TOP6BL: variants seen among roughly 807,000 people sequenced by gnomAD.
The protein encoded by TOP6BL is type 2 DNA topoisomerase 6 subunit B-like.
chr11:66,840,140 C>T, the TOP6BL span, among the ~76,000 whole-genome samples: 2 of 152,172 alleles, frequency 1.3e-5, no homozygotes, highest in African/African-American at 2.4e-5. Context: ...CATGGGCAGC[C>T]CTGCTGAAGA....
At chr11:66,843,342 C>T in the TOP6BL span, 1 of 1,477,774 alleles carries the variant, frequency 6.8e-7, no homozygotes, top group South Asian at 1.3e-5. Flanking sequence ...TCCGCGTCTG[C>T]TTCCGCGTCG....
At chr11:66,808,482 C>T in the TOP6BL span, among the ~76,000 whole-genome samples, 8 of 151,376 alleles carry the variant, frequency 5.3e-5, no homozygotes, top group Admixed American at 1.3e-4. Flanking sequence ...GAGCCATGAT[C>T]GTGCCATTGC....
chr11:66,796,356 C>T, the TOP6BL span: 14 of 1,606,542 alleles, frequency 8.7e-6, no homozygotes, highest in Non-Finnish European at 1.2e-5. Context: ...CATCATGGTG[C>T]ACCCTAAGGT....
At chr11:66,790,889 G>A in the TOP6BL span, among the ~76,000 whole-genome samples, 7 of 152,280 alleles carry the variant, frequency 4.6e-5, no homozygotes, top group East Asian at 9.6e-4. Context: ...GAGGAAAACT[G>A]TGAGCTTAGT....
chr11:66,758,917 C>G, the TOP6BL span: 1 of 495,990 alleles, frequency 2.0e-6, no homozygotes, highest in Non-Finnish European at 3.4e-6. Context: ...TTTTACCAAA[C>G]TCATTAGTAG....
At chr11:66,828,653 C>T in the TOP6BL span, 12 of 284,898 alleles carry the variant, frequency 4.2e-5, no homozygotes, top group African/African-American at 2.6e-4. Flanking sequence ...CCATCTTGTC[C>T]AGAAGACACT....
At chr11:66,842,188 G>A in the TOP6BL span, among the ~76,000 whole-genome samples, 1 of 152,166 alleles carries the variant, frequency 6.6e-6, no homozygotes, top group African/African-American at 2.4e-5. Flanking sequence ...GGGCAACAGA[G>A]CAAGACCTTG....
At chr11:66,832,648 C>A in the TOP6BL span, among the ~76,000 whole-genome samples, 1 of 152,252 alleles carries the variant, frequency 6.6e-6, no homozygotes, top group Non-Finnish European at 1.5e-5. Context: ...CGATGCACTT[C>A]CCAGGAACGT....
the TOP6BL span, chr11:66,838,251 T>G: frequency 1.3e-6 from 1 of 783,358 alleles, no homozygotes; most frequent in Non-Finnish European, 2.1e-6. Flanking sequence ...AAGAGGGAGT[T>G]CCAGGTGAGG....
the TOP6BL span, among the ~76,000 whole-genome samples, chr11:66,809,508 T>C: frequency 6.6e-6 from 1 of 152,214 alleles, no homozygotes; most frequent in African/African-American, 2.4e-5. Context: ...CTATACGTTC[T>C]TAGCAGGATA....
the TOP6BL span, chr11:66,796,234 C>T: frequency 7.3e-7 from 1 of 1,373,244 alleles, no homozygotes; most frequent in African/African-American, 1.4e-5. Context: ...CATTTGTGCT[C>T]TTGAGATTGT....
chr11:66,790,927 G>A, the TOP6BL span, among the ~76,000 whole-genome samples: 1 of 152,186 alleles, frequency 6.6e-6, no homozygotes, highest in Non-Finnish European at 1.5e-5. Context: ...TGATGGAGAT[G>A]AGAAGTAAAA....
chr11:66,794,592 G>A, the TOP6BL span, among the ~76,000 whole-genome samples: 1 of 152,226 alleles, frequency 6.6e-6, no homozygotes, highest in Admixed American at 6.5e-5. Flanking sequence ...AAGGTTAAAT[G>A]AGATAATATA....
At chr11:66,766,730 G>A in the TOP6BL span, among the ~76,000 whole-genome samples, 1 of 152,150 alleles carries the variant, frequency 6.6e-6, no homozygotes, top group African/African-American at 2.4e-5. Flanking sequence ...CATTAACTAT[G>A]CTGATGAGAC....
the TOP6BL span, among the ~76,000 whole-genome samples, chr11:66,791,204 C>T: frequency 1.3e-5 from 2 of 152,036 alleles, no homozygotes; most frequent in African/African-American, 2.4e-5. Flanking sequence ...TTTGGGCCTG[C>T]GAGGAAAGTC....
chr11:66,747,891 A>G, the TOP6BL span, among the ~76,000 whole-genome samples: 15 of 152,160 alleles, frequency 9.9e-5, no homozygotes, highest in African/African-American at 3.4e-4. Flanking sequence ...AAGTGCTGGG[A>G]TTGCAGGCAT....
At chr11:66,835,278 T>G in the TOP6BL span, among the ~76,000 whole-genome samples, 1 of 152,076 alleles carries the variant, frequency 6.6e-6, no homozygotes. Context: ...CCAAGTTCTG[T>G]CTCAAGATAA....
chr11:66,804,277 T>C, the TOP6BL span: 5 of 1,020,424 alleles, frequency 4.9e-6, no homozygotes, highest in Non-Finnish European at 6.9e-6. Flanking sequence ...GTATGTGAAT[T>C]CTGCATCTAC....
chr11:66,810,503 A>T, the TOP6BL span, among the ~76,000 whole-genome samples: 1 of 152,168 alleles, frequency 6.6e-6, no homozygotes, highest in South Asian at 2.1e-4. Context: ...TTCTCTAAAG[A>T]TGGTTTTGAG....
Sources: gnomAD v4.1 joint callset for allele counts (sites outside exome capture counted in the v4.1 genomes callset) on GRCh38, gnomAD v4.1.1 for gene constraint, MANE v1.5 for transcripts, NCBI Gene and HGNC (gene_info 2026-07-23, HGNC 2026-07-21) for gene names.